Variants in PDS5B observed in about 807,000 individuals in gnomAD.
PDS5B encodes the protein sister chromatid cohesion protein PDS5 homolog B.
Under a neutral mutation model 184.1 loss-of-function variants are expected in PDS5B, and 51 were observed. The observed-to-expected ratio is 0.28, with a 90% CI of 0.22 to 0.35. The LOEUF (loss-of-function observed/expected upper bound fraction) is 0.35. Ranked by LOEUF, PDS5B falls within the 10% of genes least tolerant of loss-of-function variation. The pLI is 1.00. For synonymous variants in PDS5B, 566 were observed against 569.2 expected, an observed-to-expected ratio of 0.99 and a Z score of 0.08; for missense variants, 1,180 against 1,723.3, an observed-to-expected ratio of 0.68 and a Z score of 5.58.
intron 3 of PDS5B, among the ~76,000 whole-genome samples, chr13:32,656,338 A>G (rs1950513561): frequency 7.7e-6 from 1 of 129,908 alleles, no homozygotes; most frequent in African/African-American, 3.0e-5. Context: ...GATTCCATAG[A>G]CATTTTAAGG....
intron 1 of PDS5B, among the ~76,000 whole-genome samples, chr13:32,647,632 T>C (rs948139591): frequency 2.6e-5 from 4 of 152,228 alleles, no homozygotes; most frequent in African/African-American, 9.6e-5. Context: ...ATTTTCAATT[T>C]CAGTAATTGT....
At position 32,768,009 on chromosome 13, in the gene PDS5B, A is replaced by G. The variant is rs550945049; in HGVS notation, c.3625-2112A>G. ...AGCACTACAAATCATTGATTCTGAAATGGTTGGATGTGTCTTTGGGAGTGG... is the reference window on the plus strand; with the variant it reads ...AGCACTACAAATCATTGATTCTGAAGTGGTTGGATGTGTCTTTGGGAGTGG... On this transcript the variant is annotated intron_variant, in intron 31 of 34. Transcript: ENST00000315596. Among the ~76,000 whole-genome samples, 93 of 152,368 alleles carry G rather than the reference A, an allele frequency of 6.1e-4. 1 individual carries two copies. The South Asian group carries it at 0.017, about 28-fold the overall frequency.
chr13:32,725,131 A>AT (rs1298747967), intron 19 of PDS5B, among the ~76,000 whole-genome samples: 1 of 152,138 alleles, frequency 6.6e-6, no homozygotes, highest in Non-Finnish European at 1.5e-5. Flanking sequence ...ATTCTTATCG[A>AT]TTCTTTGGTT....
intron 18 of PDS5B, among the ~76,000 whole-genome samples, 158 bp from the exon 19 acceptor site, chr13:32,709,786 TGA>T (rs1952145438): frequency 6.6e-6 from 1 of 152,166 alleles, no homozygotes; most frequent in South Asian, 2.1e-4. Flanking sequence ...GTTACATAGT[TGA>T]GTATGTTTTA....
intron 19 of PDS5B, among the ~76,000 whole-genome samples, chr13:32,715,369 C>G (rs755268382): frequency 1.3e-5 from 2 of 152,162 alleles, no homozygotes; most frequent in African/African-American, 2.4e-5. Flanking sequence ...TTATGCTTTT[C>G]CGTCTGGAAC....
In PDS5B at chr13:32,775,095, A is replaced by AT; in HGVS notation, c.*44dup. 41 of 547,602 alleles carry AT rather than the reference A, an allele frequency of 7.5e-5. No individual in the cohort carries two copies. The highest frequency in any genetic ancestry group is 2.3e-4 in the Admixed American group (4 of 17,310). 33.9% of individuals were successfully genotyped at this position (547,602 alleles called of 1,614,324 possible). A position where few individuals can be genotyped will look rare whatever the true frequency, so the allele number is the denominator to read the frequency against. The stretch of plus-strand genomic sequence containing the variant: ...CTTTCTCTGTGAAAGCTTTGGAAAA[A>AT]TCTTTTTTTTTTTTTTTGGTCAAGC... On this transcript the variant is annotated 3_prime_UTR_variant, in exon 35 of 35. Coordinates refer to ENST00000315596, the MANE Select transcript of PDS5B (RefSeq NM_015032.4).
intron 11 of PDS5B, among the ~76,000 whole-genome samples, chr13:32,685,814 T>G (rs1951370524): frequency 6.6e-6 from 1 of 152,026 alleles, no homozygotes. Context: ...GGCCAATTTT[T>G]TTTTTATTAG....
At chr13:32,692,282 GAA>G (rs1434281763) in intron 13 of PDS5B, among the ~76,000 whole-genome samples, 1 of 151,808 alleles carries the variant, frequency 6.6e-6, no homozygotes, top group Non-Finnish European at 1.5e-5. Flanking sequence ...CTTGATTATT[GAA>G]AAAGAGAACA....
intron 1 of PDS5B, among the ~76,000 whole-genome samples, chr13:32,642,764 GT>G (rs957949016): frequency 6.6e-6 from 1 of 151,948 alleles, no homozygotes; most frequent in Non-Finnish European, 1.5e-5. Context: ...TATTCAGAAT[GT>G]TTTTTTCTGT....
At chr13:32,596,504 CTT>C (rs1307856571) in intron 1 of PDS5B, among the ~76,000 whole-genome samples, 4 of 152,132 alleles carry the variant, frequency 2.6e-5, no homozygotes, top group Non-Finnish European at 2.9e-5. Flanking sequence ...TTTCATTTCT[CTT>C]GAGTAAATAC....
rs768376871 is a variant in PDS5B at position 32,732,232 on chromosome 13, GA to G, written c.2247+15del. Reference sequence around the variant, plus strand: ...TTTGCACAGATATTTGAGGTAATGAGAAAAAAATTTTCTTGTTTATTTCATA... The same window carrying G: ...TTTGCACAGATATTTGAGGTAATGAGAAAAAATTTTCTTGTTTATTTCATA... On this transcript the variant is annotated intron_variant, in intron 20 of 34. Transcript: ENST00000315596. 5 of 1,588,278 alleles carry G rather than the reference GA, an allele frequency of 3.1e-6. No homozygotes were observed. Among genetic ancestry groups the G allele is most frequent in the African/African-American group, 1.4e-5 (1 of 73,864 alleles).
At chr13:32,738,484 C>A (rs935263794) in intron 21 of PDS5B, among the ~76,000 whole-genome samples, 1 of 152,104 alleles carries the variant, frequency 6.6e-6, no homozygotes, top group African/African-American at 2.4e-5. Context: ...TGCCTACTTT[C>A]TGAAATTCCC....
intron 1 of PDS5B, among the ~76,000 whole-genome samples, chr13:32,590,125 TTAA>T (rs1320669787): frequency 5.9e-5 from 9 of 152,298 alleles, no homozygotes; most frequent in East Asian, 1.9e-4. Context: ...TAATTAGACA[TTAA>T]TAATAAGTAG....
chr13:32,678,860 C>T lies in PDS5B; in HGVS notation c.988C>T (p.Arg330Cys), dbSNP rs765491512. The change falls in exon 10 of 35, where the codon CGC becomes TGC. Residue 330 changes from arginine (R) to cysteine (C), a missense_variant. By Grantham distance (180) the Arg-to-Cys change is radical. This residue lies in a region of PDS5B where 475 missense variants were observed against 691.5 expected (regional missense o/e 0.69). Coordinates refer to ENST00000315596, the MANE Select transcript of PDS5B (RefSeq NM_015032.4). ...GTTTAATGATATCCATGTACCAATC[C>T]GCCTGGAATGTGTGAAATTTGCTAG... is the stretch of plus-strand genomic sequence containing the variant. ...GRFNDIHVPI[R>C]LECVKFASHC... 2 of 1,605,820 alleles carry T rather than the reference C, an allele frequency of 1.2e-6. No homozygotes were observed. The highest frequency in any genetic ancestry group is 1.7e-5 in the Admixed American group (1 of 59,994).
intron 1 of PDS5B, among the ~76,000 whole-genome samples, chr13:32,616,387 A>G (rs1262160503): frequency 6.6e-6 from 1 of 151,848 alleles, no homozygotes; most frequent in East Asian, 1.9e-4. Context: ...TTTATACTTT[A>G]AAAACACGAA....
intron 1 of PDS5B, among the ~76,000 whole-genome samples, chr13:32,623,856 G>C (rs1404710473): frequency 6.6e-6 from 1 of 151,866 alleles, no homozygotes; most frequent in Non-Finnish European, 1.5e-5. Context: ...TCTCTCGCCA[G>C]GCTGGAGTGC....
chr13:32,679,617 C>T (rs918392922), intron 10 of PDS5B, among the ~76,000 whole-genome samples: 1 of 149,078 alleles, frequency 6.7e-6, no homozygotes, highest in Non-Finnish European at 1.5e-5. Context: ...GCCTGGTCAA[C>T]AAGAGCGAAA....
intron 20 of PDS5B, among the ~76,000 whole-genome samples, chr13:32,732,488 T>G (rs1480654123): frequency 6.6e-6 from 1 of 152,148 alleles, no homozygotes; most frequent in East Asian, 1.9e-4. Flanking sequence ...CTATTTTTTG[T>G]TAACAGGTAA....
chr13:32,775,086 T>G lies in PDS5B; in HGVS notation c.*34T>G, dbSNP rs1954913935. 3 of 1,040,540 alleles carry G rather than the reference T, an allele frequency of 2.9e-6. No homozygotes were observed. Among genetic ancestry groups the G allele is most frequent in the Non-Finnish European group, 4.1e-6 (3 of 728,522 alleles). The allele number at this position is 1,040,540 out of a possible 1,614,324, so 64.5% of individuals were successfully genotyped here. A position where few individuals can be genotyped will look rare whatever the true frequency, so the allele number is the denominator to read the frequency against. The stretch of plus-strand genomic sequence containing the variant: ...AATTAATAACTTTCTCTGTGAAAGC[T>G]TTGGAAAAATCTTTTTTTTTTTTTT... On this transcript the variant is annotated 3_prime_UTR_variant, in exon 35 of 35. Transcript: ENST00000315596.
Sources: gnomAD v4.1 joint callset for allele counts (sites outside exome capture counted in the v4.1 genomes callset) on GRCh38, gnomAD v4.1.1 for gene constraint, gnomAD v4.1.1 regional missense constraint, MANE v1.5 for transcripts, NCBI Gene and HGNC (gene_info 2026-07-23, HGNC 2026-07-21) for gene names.